THSD7A: variants seen among roughly 807,000 people sequenced by gnomAD.
The protein encoded by THSD7A is thrombospondin type-1 domain-containing protein 7A.
In THSD7A, 96 loss-of-function variants were observed where a neutral mutation model predicts 231.3. The observed-to-expected ratio is 0.41, with a 90% CI of 0.35 to 0.49. The LOEUF (loss-of-function observed/expected upper bound fraction) is 0.49. Ranked by LOEUF, THSD7A falls within the 20% of genes least tolerant of loss-of-function variation. The probability of loss-of-function intolerance (pLI) is 0.05; values close to 1 mark genes in which losing one functional copy is unlikely to be tolerated. For synonymous variants in THSD7A, 940 were observed against 743.3 expected, an observed-to-expected ratio of 1.26 and a Z score of -4.30; for missense variants, 2,290 against 2,070.2, an observed-to-expected ratio of 1.11 and a Z score of -2.06.
rs567855564 is a variant in THSD7A at position 11,820,202 on chromosome 7, A to C, written c.190+11555T>G. 54 of 340,936 alleles carry C rather than the reference A, an allele frequency of 1.6e-4. 1 individual carries two copies. The South Asian group carries it at 4.3e-3, about 27-fold the overall frequency. 21.1% of individuals were successfully genotyped at this position (340,936 alleles called of 1,614,324 possible). A position where few individuals can be genotyped will look rare whatever the true frequency, so the allele number is the denominator to read the frequency against. ...GGTAGTACAATCTGCATGGCTGGTG[A>C]GGGGTGGGGGTAGGATTTTTCAGAA... On this transcript the variant is annotated intron_variant, in intron 1 of 27. Coordinates refer to ENST00000423059, the MANE Select transcript of THSD7A (RefSeq NM_015204.3).
intron 1 of THSD7A, among the ~76,000 whole-genome samples, chr7:11,733,118 A>G (rs10231557): frequency 0.013 from 2,020 of 151,940 alleles, 43 homozygotes; most frequent in African/African-American, 0.047. Context: ...TGTTTTCAAC[A>G]ATACAGTGAT....
At chr7:11,794,039 G>T (rs2128178988) in intron 1 of THSD7A, among the ~76,000 whole-genome samples, 1 of 151,910 alleles carries the variant, frequency 6.6e-6, no homozygotes, top group East Asian at 1.9e-4. Flanking sequence ...AAAAGTGAAA[G>T]ATAATTGGAA....
chr7:11,684,319 C>A (rs889787840), intron 1 of THSD7A, among the ~76,000 whole-genome samples: 2 of 149,754 alleles, frequency 1.3e-5, no homozygotes, highest in Non-Finnish European at 3.0e-5. Flanking sequence ...CATAAGAAAT[C>A]GAACAAGACA....
intron 4 of THSD7A, among the ~76,000 whole-genome samples, chr7:11,585,268 C>CT (rs1791351500): frequency 6.6e-6 from 1 of 152,190 alleles, no homozygotes; most frequent in Non-Finnish European, 1.5e-5. Flanking sequence ...TGACATCTCA[C>CT]TTTCCATTTT....
intron 6 of THSD7A, among the ~76,000 whole-genome samples, chr7:11,497,000 T>C (rs971453929): frequency 6.6e-6 from 1 of 152,160 alleles, no homozygotes; most frequent in Admixed American, 6.5e-5. Flanking sequence ...TATAAGGAGA[T>C]ACCCGAGATG....
intron 1 of THSD7A, among the ~76,000 whole-genome samples, chr7:11,781,617 A>T (rs10242421): frequency 0.24 from 36,376 of 152,086 alleles, 4,592 homozygotes; most frequent in East Asian, 0.37. Context: ...TATTATCAAA[A>T]CCTGGGTTGG....
chr7:11,599,385 C>T (rs183769146), intron 2 of THSD7A, among the ~76,000 whole-genome samples: 222 of 152,270 alleles, frequency 1.5e-3, no homozygotes, highest in Non-Finnish European at 2.7e-3. Flanking sequence ...ATACCAGCTA[C>T]GACCACGTGG....
At chr7:11,583,703 G>C (rs1253995693) in intron 4 of THSD7A, among the ~76,000 whole-genome samples, 1 of 152,132 alleles carries the variant, frequency 6.6e-6, no homozygotes, top group Non-Finnish European at 1.5e-5. Context: ...GGATGGTGCA[G>C]TTTACAGGGG....
At chr7:11,759,262 T>G (rs144409417) in intron 1 of THSD7A, among the ~76,000 whole-genome samples, 9 of 152,068 alleles carry the variant, frequency 5.9e-5, no homozygotes, top group Non-Finnish European at 1.3e-4. Context: ...CAATATGTAG[T>G]GAAAGTATGC....
intron 2 of THSD7A, among the ~76,000 whole-genome samples, chr7:11,599,338 G>T (rs191090493): frequency 6.6e-6 from 1 of 152,122 alleles, no homozygotes; most frequent in Non-Finnish European, 1.5e-5. Flanking sequence ...GAAGGCAAAG[G>T]GAATACAGAA....
At chr7:11,487,169 G>T (rs1253436392) in intron 6 of THSD7A, among the ~76,000 whole-genome samples, 1 of 152,076 alleles carries the variant, frequency 6.6e-6, no homozygotes, top group Non-Finnish European at 1.5e-5. Context: ...TTTCATGAAT[G>T]CCACCACACT....
rs908830374 is a variant in THSD7A, at chr7:11,411,079, C to G, written c.3798+128G>C. 1.5e-6 allele frequency: 1 copy of G among 646,146 alleles called. No individual in the cohort carries two copies. The highest frequency in any genetic ancestry group is 2.7e-5 in the East Asian group (1 of 36,368). The allele number at this position is 646,146 out of a possible 1,614,324, so 40.0% of individuals were successfully genotyped here. A position where few individuals can be genotyped will look rare whatever the true frequency, so the allele number is the denominator to read the frequency against. ...TGTGTCTTTTCAAGAACATACTTAGCCTGTGAACAGTGCAGAAAAACATCT... is the reference window on the plus strand; with the variant it reads ...TGTGTCTTTTCAAGAACATACTTAGGCTGTGAACAGTGCAGAAAAACATCT... On this transcript the variant is annotated intron_variant, in intron 19 of 27. Transcript: ENST00000423059. The surrounding 1 kb of genome is among the most constrained non-coding windows in gnomAD (Gnocchi z 4.1).
chr7:11,525,728 A>T (rs1226691043), intron 6 of THSD7A, among the ~76,000 whole-genome samples: 3 of 152,178 alleles, frequency 2.0e-5, no homozygotes, highest in Non-Finnish European at 2.9e-5. Context: ...AACATAAAGA[A>T]AAAGTGTACA....
chr7:11,506,284 G>C lies in THSD7A; in HGVS notation c.1823-24302C>G, dbSNP rs1395157479. On this transcript the variant is annotated intron_variant, in intron 6 of 27. Transcript: ENST00000423059. ...GGGATTTCAGGAGTGAGCCGCGCTG[G>C]GCCTGATGTTTTGATTTTTAAAGTT... Among the ~76,000 whole-genome samples the C allele has an allele frequency of 2.0e-5, 3 of 152,032 alleles. No individual in the cohort carries two copies. The East Asian group carries it at 5.8e-4, about 29-fold the overall frequency.
intron 22 of THSD7A, among the ~76,000 whole-genome samples, chr7:11,405,275 C>A (rs1783545204): frequency 6.6e-6 from 1 of 151,402 alleles, no homozygotes; most frequent in Admixed American, 6.6e-5. Flanking sequence ...TATATGTTAT[C>A]CACTTTTAAA....
intron 2 of THSD7A, among the ~76,000 whole-genome samples, chr7:11,619,206 A>T (rs1317634474): frequency 1.3e-5 from 2 of 152,082 alleles, no homozygotes; most frequent in Non-Finnish European, 2.9e-5. Context: ...AAGCTTTCAG[A>T]TATAAATGTT....
At chr7:11,412,314 AAAAG>A (rs1476465174) in intron 18 of THSD7A, among the ~76,000 whole-genome samples, 10 of 152,282 alleles carry the variant, frequency 6.6e-5, no homozygotes, top group Admixed American at 2.6e-4. Flanking sequence ...CATCTTCTGA[AAAAG>A]AAAGACATTT....
At chr7:11,567,593 G>A (rs1024560191) in intron 4 of THSD7A, among the ~76,000 whole-genome samples, 1 of 152,148 alleles carries the variant, frequency 6.6e-6, no homozygotes, top group Non-Finnish European at 1.5e-5. Context: ...GAATCACCTG[G>A]AGAGGGTTTA....
chr7:11,651,955 T>G (rs746040961), intron 1 of THSD7A, among the ~76,000 whole-genome samples: 3 of 151,946 alleles, frequency 2.0e-5, no homozygotes, highest in Non-Finnish European at 4.4e-5. Context: ...AGAAACCATC[T>G]TCTCAGAATG....
Sources: gnomAD v4.1 joint callset for allele counts (sites outside exome capture counted in the v4.1 genomes callset) on GRCh38, gnomAD v4.1.1 for gene constraint, Gnocchi (gnomAD v3.1) non-coding constraint, MANE v1.5 for transcripts, NCBI Gene and HGNC (gene_info 2026-07-23, HGNC 2026-07-21) for gene names.